Variants in SLC16A12 observed in about 807,000 individuals in gnomAD.
SLC16A12 encodes solute carrier family 16 member 12.
In SLC16A12, 17 loss-of-function variants were observed where a neutral mutation model predicts 42.4. The observed-to-expected ratio is 0.40, with a 90% CI of 0.27 to 0.60. The LOEUF (loss-of-function observed/expected upper bound fraction) is 0.60. Ranked by LOEUF, SLC16A12 falls within the 20% of genes least tolerant of loss-of-function variation. The probability of loss-of-function intolerance (pLI) is 0.42; values close to 1 mark genes in which losing one functional copy is unlikely to be tolerated. For synonymous variants in SLC16A12, 224 were observed against 229.4 expected, an observed-to-expected ratio of 0.98 and a Z score of 0.21; for missense variants, 544 against 623.0, an observed-to-expected ratio of 0.87 and a Z score of 1.35.
intron 4 of SLC16A12, among the ~76,000 whole-genome samples, chr10:89,443,184 C>G (rs1018268837): frequency 6.6e-6 from 1 of 152,068 alleles, no homozygotes. Context: ...TATCTCATGA[C>G]GACATAATCC....
At chr10:89,469,316 G>C (rs1162218744) in intron 2 of SLC16A12, among the ~76,000 whole-genome samples, 2 of 152,200 alleles carry the variant, frequency 1.3e-5, no homozygotes, top group Non-Finnish European at 2.9e-5. Flanking sequence ...TACAGTGCAA[G>C]TTGGGATATA....
intron 5 of SLC16A12, among the ~76,000 whole-genome samples, chr10:89,439,658 T>C (rs1014794195): frequency 3.3e-5 from 5 of 152,206 alleles, no homozygotes; most frequent in African/African-American, 1.2e-4. Context: ...TAATTTTACA[T>C]AGTTGGGAAA....
chr10:89,487,646 CA>C (rs761297191), intron 2 of SLC16A12, among the ~76,000 whole-genome samples: 1,666 of 106,274 alleles, frequency 0.016, 8 homozygotes, highest in Admixed American at 0.018. Flanking sequence ...ACTAAAAATA[CA>C]AAAAAAAAAA....
intron 2 of SLC16A12, among the ~76,000 whole-genome samples, chr10:89,471,770 C>T (rs774349815): frequency 6.6e-6 from 1 of 152,122 alleles, no homozygotes; most frequent in East Asian, 1.9e-4. Context: ...CCAATTGCTT[C>T]GCAACTTTGG....
intron 2 of SLC16A12, among the ~76,000 whole-genome samples, chr10:89,496,984 T>A (rs1842929540): frequency 6.6e-6 from 1 of 152,112 alleles, no homozygotes; most frequent in South Asian, 2.1e-4. Flanking sequence ...AATGAACACA[T>A]GAAAAGATGC....
chr10:89,506,843 A>C (rs1221356166), intron 2 of SLC16A12, among the ~76,000 whole-genome samples: 3 of 152,152 alleles, frequency 2.0e-5, no homozygotes, highest in African/African-American at 7.2e-5. Context: ...AGGTTGGACG[A>C]ATTGCTAACT....
chr10:89,491,205 A>C (rs1434238356), intron 2 of SLC16A12, among the ~76,000 whole-genome samples: 1 of 152,160 alleles, frequency 6.6e-6, no homozygotes, highest in Non-Finnish European at 1.5e-5. Flanking sequence ...GAGCCATTAT[A>C]ATCCTGCCCA....
chr10:89,433,039 A>G lies in SLC16A12; in HGVS notation c.*25T>C, dbSNP rs781348172. 6.7e-5 allele frequency: 108 copies of G among 1,613,618 alleles called. No individual in the cohort carries two copies. The highest frequency in any genetic ancestry group is 8.9e-5 in the Non-Finnish European group (105 of 1,179,976). ...GTGGCCCCACCTCTCTCAAACCTGA[A>G]GATTCTGGGGCTCAAGGCCTTTGGT... is the stretch of plus-strand genomic sequence containing the variant. On this transcript the variant is annotated 3_prime_UTR_variant, in exon 8 of 8. Transcript: ENST00000371790.
chr10:89,528,599 A>G (rs1215357267), intron 2 of SLC16A12, among the ~76,000 whole-genome samples: 1 of 152,218 alleles, frequency 6.6e-6, no homozygotes, highest in Non-Finnish European at 1.5e-5. Context: ...TGGGCCCTCT[A>G]TAGAGAAAAT....
At chr10:89,547,137 A>G (rs1843746297) in intron 2 of SLC16A12, among the ~76,000 whole-genome samples, 2 of 152,208 alleles carry the variant, frequency 1.3e-5, no homozygotes, top group Admixed American at 6.5e-5. Context: ...CGTTCTGCAC[A>G]TGTATCCCCA....
chr10:89,536,578 A>G (rs999441915), upstream of SLC16A12, among the ~76,000 whole-genome samples: 23 of 152,200 alleles, frequency 1.5e-4, no homozygotes, highest in Middle Eastern at 3.4e-3. Context: ...GACAGGTTCC[A>G]GGCGAACTTT....
At chr10:89,465,880 GTC>G (rs1453452592) in intron 2 of SLC16A12, among the ~76,000 whole-genome samples, 8 of 152,330 alleles carry the variant, frequency 5.3e-5, no homozygotes, top group African/African-American at 1.9e-4. Context: ...ATGGAGAGAA[GTC>G]CTCTGGGAAA....
chr10:89,438,592 C>T lies in SLC16A12; in HGVS notation c.1028+12G>A. ...CCTGGTGGGGAACCAATTGTGGTTTCATGAATTTTACCTTCTGTCGGTCAG... is the reference window on the plus strand; with the variant it reads ...CCTGGTGGGGAACCAATTGTGGTTTTATGAATTTTACCTTCTGTCGGTCAG... On this transcript the variant is annotated intron_variant, in intron 6 of 7. Transcript: ENST00000371790. 6.2e-7 allele frequency: 1 copy of T among 1,612,824 alleles called. No individual in the cohort carries two copies. Among genetic ancestry groups the T allele is most frequent in the African/African-American group, 1.3e-5 (1 of 75,000 alleles).
At chr10:89,541,736 AGCAGCATCTTTTGTGTTT>A (rs1397428726) in intron 2 of SLC16A12, among the ~76,000 whole-genome samples, 2 of 152,216 alleles carry the variant, frequency 1.3e-5, no homozygotes, top group African/African-American at 2.4e-5. Flanking sequence ...TAGAACATTT[AGCAGCATCTTTTGTGTTT>A]GCCCATTAGG....
intron 5 of SLC16A12, among the ~76,000 whole-genome samples, chr10:89,440,337 A>G (rs1352192755): frequency 6.6e-6 from 1 of 152,188 alleles, no homozygotes; most frequent in African/African-American, 2.4e-5. Context: ...ATTGGTCACC[A>G]TAGCAGCAGT....
intron 3 of SLC16A12, among the ~76,000 whole-genome samples, chr10:89,448,181 C>T (rs766521250): frequency 1.3e-5 from 2 of 152,096 alleles, no homozygotes; most frequent in African/African-American, 2.4e-5. Flanking sequence ...ATCAGAGGTG[C>T]GAAGAGGAGC....
intron 2 of SLC16A12, among the ~76,000 whole-genome samples, chr10:89,515,947 T>C (rs886771078): frequency 1.3e-5 from 2 of 152,196 alleles, no homozygotes; most frequent in Non-Finnish European, 2.9e-5. Flanking sequence ...TATGGTCATT[T>C]GGCAAGTTAT....
chr10:89,450,471 G>A (rs1447568111), intron 3 of SLC16A12, among the ~76,000 whole-genome samples: 8 of 152,222 alleles, frequency 5.3e-5, no homozygotes, highest in Non-Finnish European at 8.8e-5. Flanking sequence ...GGACATGGAT[G>A]AAGCTGGAAA....
chr10:89,501,832 C>A (rs1842994528), intron 2 of SLC16A12, among the ~76,000 whole-genome samples: 1 of 152,308 alleles, frequency 6.6e-6, no homozygotes, highest in East Asian at 1.9e-4. Context: ...CTCATTTGCT[C>A]ATTTGTTTAT....
Sources: allele counts gnomAD v4.1 joint callset (sites outside exome capture counted in the v4.1 genomes callset), GRCh38; gene constraint gnomAD v4.1.1; transcripts MANE v1.5; gene names NCBI Gene and HGNC (gene_info 2026-07-23, HGNC 2026-07-21).